Variants in SUGT1 observed in about 807,000 individuals in gnomAD.
The protein encoded by SUGT1 is protein SGT1 homolog.
A neutral mutation model predicts 56.1 loss-of-function variants in SUGT1; 15 were observed. The ratio of observed to expected loss-of-function variants is 0.27; its 90% CI spans 0.18 to 0.41. The LOEUF is 0.41. Among genes scored for constraint, SUGT1 ranks in the 10% least tolerant of loss-of-function variants. The probability of loss-of-function intolerance (pLI) is 1.00; values close to 1 mark genes in which losing one functional copy is unlikely to be tolerated. For missense variants in SUGT1, 347 were observed against 382.2 expected, an observed-to-expected ratio of 0.91 and a Z score of 0.77; for synonymous variants, 123 against 128.6, an observed-to-expected ratio of 0.96 and a Z score of 0.30.
At chr13:52,682,306 C>A (rs1963408634) in intron 12 of SUGT1, among the ~76,000 whole-genome samples, 1 of 152,174 alleles carries the variant, frequency 6.6e-6, no homozygotes, top group Non-Finnish European at 1.5e-5. Flanking sequence ...TCAAGTGATC[C>A]TTATGCCTCA....
At chr13:52,655,543 T>TGCATGTAGGGCAGTGATTGAGG (rs1962123479) in intron 2 of SUGT1, among the ~76,000 whole-genome samples, 1 of 152,168 alleles carries the variant, frequency 6.6e-6, no homozygotes, top group Non-Finnish European at 1.5e-5. Flanking sequence ...GATGAATATT[T>TGCATGTAGGGCAGTGATTGAGG]GCATGTAGGG....
At position 52,657,585 on chromosome 13, in the gene SUGT1, A is replaced by G. The variant is rs769081836; in HGVS notation, c.150A>G (p.Gln50=). The G allele has an allele frequency of 4.3e-6, 7 of 1,613,720 alleles. No individual in the cohort carries two copies. The highest frequency in any genetic ancestry group is 2.2e-5 in the South Asian group (2 of 91,042). Residue 50 remains glutamine, a synonymous_variant, in exon 3 of 13, where the codon CAA becomes CAG. Coordinates refer to ENST00000310528, the MANE Select transcript of SUGT1 (RefSeq NM_006704.5). ...CAGATGATGCACAGTATTATTGTCA[A>G]AGAGCTTATTGTCACATTCTTCTTG... ...QKPDDAQYYC[Q]RAYCHILLGN...
Position 52,680,007 on chromosome 13 carries a change from A to G in SUGT1, c.752A>G (p.Tyr251Cys). The change falls in exon 12 of 13, where the codon TAT (tyrosine) becomes TGT (cysteine). Residue 251 changes from tyrosine to cysteine, a missense_variant. Physicochemically the swap from Tyr to Cys is radical, Grantham distance 194. Transcript: ENST00000310528. ...AACCTATATCCATCATCATCTCCTT[A>G]TACAAGAAATTGGGATAAATTGGTT... ...VKNLYPSSSPYTRNWDKLVGE... is the reference protein window; with the variant it reads ...VKNLYPSSSPCTRNWDKLVGE... 6.2e-7 allele frequency: 1 copy of G among 1,600,452 alleles called. No homozygotes were observed. Among genetic ancestry groups the G allele is most frequent in the Non-Finnish European group, 8.5e-7 (1 of 1,176,554 alleles).
intron 12 of SUGT1, among the ~76,000 whole-genome samples, chr13:52,681,697 C>T (rs1395544985): frequency 2.0e-5 from 3 of 151,900 alleles, no homozygotes; most frequent in Non-Finnish European, 1.5e-5. Flanking sequence ...TTAAAAGCTA[C>T]CTTGGCATGA....
chr13:52,657,751 G>T, intron 3 of SUGT1, 129 bp downstream of exon 3: 1 of 772,956 alleles, frequency 1.3e-6, no homozygotes, highest in South Asian at 1.9e-5. Flanking sequence ...TAGCTCAAAT[G>T]TGACAGACAT....
chr13:52,655,686 T>C (rs1179685335), intron 2 of SUGT1, among the ~76,000 whole-genome samples: 1 of 152,198 alleles, frequency 6.6e-6, no homozygotes, highest in African/African-American at 2.4e-5. Context: ...TTCATTTAGA[T>C]AGCACTTAGG....
Position 52,690,776 on chromosome 13 carries a change from G to A in SUGT1, c.*2941G>A, listed in dbSNP as rs1566204436. 2 of 152,280 alleles carry A rather than the reference G, an allele frequency of 1.3e-5. No homozygotes were observed. The highest frequency in any genetic ancestry group is 4.2e-4 in the South Asian group (2 of 4,818). The allele number at this position is 152,280 out of a possible 1,614,324, so 9.4% of individuals were successfully genotyped here. A position where few individuals can be genotyped will look rare whatever the true frequency, so the allele number is the denominator to read the frequency against. On this transcript the variant is annotated 3_prime_UTR_variant, in exon 13 of 13. Coordinates refer to ENST00000310528, the MANE Select transcript of SUGT1 (RefSeq NM_006704.5). ...TCAGCCTTTAGCACTGGCACTTACT[G>A]GCCAATCTGTTTTCTGTCTATAGGG...
chr13:52,652,849 C>T lies in SUGT1; in HGVS notation c.-72C>T, dbSNP rs139685534. The T allele has an allele frequency of 7.0e-6, 11 of 1,572,020 alleles. No individual in the cohort carries two copies. The highest frequency in any genetic ancestry group is 5.4e-5 in the African/African-American group (4 of 73,842). The stretch of plus-strand genomic sequence containing the variant: ...CGGTTGGTGTTTCTCCAGAAGTTTC[C>T]CCCTTGGGCGGTGGTGGAGGTGGTA... On this transcript the variant is annotated 5_prime_UTR_variant, in exon 1 of 13. Coordinates refer to ENST00000310528, the MANE Select transcript of SUGT1 (RefSeq NM_006704.5).
rs2033684 is a variant in SUGT1, at chr13:52,692,150, A to C, written c.*4315A>C. The C allele has an allele frequency of 0.96, 145,653 of 152,250 alleles. 69,690 individuals carry two copies. Among genetic ancestry groups the C allele is most frequent in the East Asian group, 0.99 (5,118 of 5,162 alleles). 9.4% of individuals were successfully genotyped at this position (152,250 alleles called of 1,614,324 possible). ...GATTGGGTGGCATTATCTCATTTTT[A>C]ATCGCCCTTCAATAGCATCCCATTA... On this transcript the variant is annotated 3_prime_UTR_variant, in exon 13 of 13. Transcript: ENST00000310528.
chr13:52,686,943 T>A (rs1336418742), intron 12 of SUGT1, among the ~76,000 whole-genome samples: 1 of 151,602 alleles, frequency 6.6e-6, no homozygotes, highest in Non-Finnish European at 1.5e-5. Flanking sequence ...TGGTGGTGCA[T>A]GCCTGTAATC....
intron 8 of SUGT1, 136 bp from the exon 9 acceptor site, chr13:52,665,501 T>C: frequency 2.0e-6 from 1 of 497,820 alleles, no homozygotes; most frequent in East Asian, 3.4e-5. Context: ...TAAAGTTGTT[T>C]CTGTGAATCA....
In SUGT1 at chr13:52,666,923, A is replaced by G; in HGVS notation, c.627+4A>G. ...GTTTAAAGTACTTTCAACAAAGGTAAGACCATTGAAAAGTTTGTTACTAGT... is the reference window on the plus strand; with the variant it reads ...GTTTAAAGTACTTTCAACAAAGGTAGGACCATTGAAAAGTTTGTTACTAGT... On this transcript the variant is annotated splice_donor_region_variant and intron_variant, in intron 10 of 12. Transcript: ENST00000310528. The G allele has an allele frequency of 6.3e-7, 1 of 1,596,156 alleles. No homozygotes were observed. Among genetic ancestry groups the G allele is most frequent in the Non-Finnish European group, 8.6e-7 (1 of 1,169,196 alleles).
intron 9 of SUGT1, 60 bp downstream of exon 9, chr13:52,665,793 G>A: frequency 1.8e-6 from 2 of 1,128,532 alleles, no homozygotes; most frequent in Admixed American, 4.8e-5. Context: ...TTAGTATATT[G>A]CAGAATAATC....
intron 2 of SUGT1, among the ~76,000 whole-genome samples, chr13:52,654,191 T>C (rs1287798002): frequency 6.6e-6 from 1 of 152,228 alleles, no homozygotes; most frequent in Non-Finnish European, 1.5e-5. Context: ...GTGTGTTTTT[T>C]ACACCTAAAT....
chr13:52,686,748 C>T (rs1963604050), intron 12 of SUGT1, among the ~76,000 whole-genome samples: 1 of 152,056 alleles, frequency 6.6e-6, no homozygotes, highest in Non-Finnish European at 1.5e-5. Context: ...GGTTCAAATC[C>T]ATTGATTTTT....
Position 52,692,965 on chromosome 13 carries a change from G to A in SUGT1, c.*5130G>A, listed in dbSNP as rs1963824377. On this transcript the variant is annotated 3_prime_UTR_variant, in exon 13 of 13. Transcript: ENST00000310528. ...TGAAATTCTTTTTTTCCTTTAACTTGGGAGCTCTCATACCAGTTCCGTTGT... is the reference window on the plus strand; with the variant it reads ...TGAAATTCTTTTTTTCCTTTAACTTAGGAGCTCTCATACCAGTTCCGTTGT... 6.6e-6 allele frequency: 1 copy of A among 152,074 alleles called. No homozygotes were observed. Among genetic ancestry groups the A allele is most frequent in the African/African-American group, 2.4e-5 (1 of 41,408 alleles). 9.4% of individuals were successfully genotyped at this position (152,074 alleles called of 1,614,324 possible). A position where few individuals can be genotyped will look rare whatever the true frequency, so the allele number is the denominator to read the frequency against.
chr13:52,673,042 G>GT (rs905194912), intron 10 of SUGT1, among the ~76,000 whole-genome samples: 1 of 152,092 alleles, frequency 6.6e-6, no homozygotes, highest in Non-Finnish European at 1.5e-5. Context: ...TACTTTTAAA[G>GT]TTTTTTTGAC....
At chr13:52,679,920 T>C (rs1963299800) in intron 11 of SUGT1, 54 bp from the exon 12 acceptor site, 3 of 1,510,618 alleles carry the variant, frequency 2.0e-6, no homozygotes, top group East Asian at 4.8e-5. Flanking sequence ...TTACATATTC[T>C]CGACATAATT....
intron 12 of SUGT1, among the ~76,000 whole-genome samples, chr13:52,684,406 T>C (rs1963493304): frequency 5.1e-5 from 2 of 39,498 alleles, no homozygotes; most frequent in Admixed American, 8.3e-4. Context: ...GTTTCGTTTT[T>C]TCCTCTATTT....
Sources: gnomAD v4.1 joint callset for allele counts (sites outside exome capture counted in the v4.1 genomes callset) on GRCh38, gnomAD v4.1.1 for gene constraint, MANE v1.5 for transcripts, NCBI Gene and HGNC (gene_info 2026-07-23, HGNC 2026-07-21) for gene names.